Variants in TCN2 observed in about 807,000 individuals in gnomAD.
TCN2 encodes the protein transcobalamin 2.
A neutral mutation model predicts 48.6 loss-of-function variants in TCN2; 34 were observed. The ratio of observed to expected loss-of-function variants is 0.70; its 90% CI spans 0.53 to 0.93. The LOEUF is 0.93. TCN2 is among the 40% of genes least tolerant of loss of function. The probability of loss-of-function intolerance (pLI) is 0.00; values close to 1 mark genes in which losing one functional copy is unlikely to be tolerated. For missense variants in TCN2, 652 were observed against 526.1 expected (o/e 1.24, Z -2.34); for synonymous variants, 283 against 212.5 (o/e 1.33, Z -2.89).
chr22:30,615,219 C>A, intron 4 of TCN2, 82 bp from the exon 5 acceptor site: 1 of 1,491,888 alleles, frequency 6.7e-7, no homozygotes, highest in Non-Finnish European at 9.3e-7. Context: ...TCCATAGCTA[C>A]AAGGGCCTGA....
chr22:30,626,676 G>A lies in TCN2; in HGVS notation c.*155G>A, dbSNP rs867646396. The A allele has an allele frequency of 6.1e-5, 50 of 815,922 alleles. 1 individual carries two copies. In the Middle Eastern group the frequency reaches 1.7e-3, roughly 28 times the overall value. The allele number at this position is 815,922 out of a possible 1,614,324, so 50.5% of individuals were successfully genotyped here. A position where few individuals can be genotyped will look rare whatever the true frequency, so the allele number is the denominator to read the frequency against. On this transcript the variant is annotated 3_prime_UTR_variant, in exon 9 of 9. Coordinates refer to ENST00000215838, the MANE Select transcript of TCN2 (RefSeq NM_000355.4). ...GGATCACCCCAGCCACAAGCCCTTC[G>A]AGGGCCCTATACCATGGCCCACCTT...
intron 5 of TCN2, 55 bp downstream of exon 5, chr22:30,615,528 T>TG: frequency 6.2e-7 from 1 of 1,613,516 alleles, no homozygotes; most frequent in Non-Finnish European, 8.5e-7. Context: ...AGGGGTGGAG[T>TG]GGTCAGGTGC....
chr22:30,625,702 G>T lies in TCN2; in HGVS notation c.1223-758G>T, dbSNP rs140407673. 6.2e-3 allele frequency among the ~76,000 whole-genome samples: 947 copies of T among 152,192 alleles called. 6 individuals are homozygous for T. Among genetic ancestry groups the T allele is most frequent in the Non-Finnish European group, 9.0e-3 (612 of 68,000 alleles). ...TGGTCTCGAACTTCTGAACTCAAGT[G>T]ATCTGCCTGCCTTGGCCTCCCAAAG... On this transcript the variant is annotated intron_variant, in intron 8 of 8. Coordinates refer to ENST00000215838, the MANE Select transcript of TCN2 (RefSeq NM_000355.4).
At chr22:30,621,991 T>G (rs1471547118) in intron 7 of TCN2, among the ~76,000 whole-genome samples, 1 of 150,512 alleles carries the variant, frequency 6.6e-6, no homozygotes, top group Admixed American at 6.6e-5. Context: ...ACGGAGTTTG[T>G]TTTGTTTTGT....
intron 7 of TCN2, among the ~76,000 whole-genome samples, chr22:30,620,711 C>T (rs990314723): frequency 6.6e-6 from 1 of 152,172 alleles, no homozygotes; most frequent in Non-Finnish European, 1.5e-5. Flanking sequence ...ATTCAGAGCT[C>T]GGGGATCTCT....
At chr22:30,612,656 C>G (rs2087559120) in intron 2 of TCN2, among the ~76,000 whole-genome samples, 1 of 152,162 alleles carries the variant, frequency 6.6e-6, no homozygotes, top group South Asian at 2.1e-4. Flanking sequence ...CACAGGAGCC[C>G]TTGGAGTTTA....
chr22:30,609,414 C>G lies in TCN2; in HGVS notation c.65-1457C>G, dbSNP rs575909541. Among the ~76,000 whole-genome samples the G allele has an allele frequency of 1.2e-3, 179 of 152,272 alleles. 1 individual carries two copies. The highest frequency in any genetic ancestry group is 4.0e-3 in the African/African-American group (167 of 41,550). The stretch of plus-strand genomic sequence containing the variant: ...TTACCCTGCGTGAATCTGCCTGGCC[C>G]CTTCCTTCTAAGGAGGTTGCTCTGT... On this transcript the variant is annotated intron_variant, in intron 1 of 8. Coordinates refer to ENST00000215838, the MANE Select transcript of TCN2 (RefSeq NM_000355.4).
At chr22:30,609,147 C>T (rs916890696) in intron 1 of TCN2, among the ~76,000 whole-genome samples, 1 of 151,542 alleles carries the variant, frequency 6.6e-6, no homozygotes, top group Non-Finnish European at 1.5e-5. Context: ...GCTTCCTTTT[C>T]TCTTTCTTCT....
At chr22:30,617,804 G>C in intron 7 of TCN2, 1 of 435,690 alleles carries the variant, frequency 2.3e-6, no homozygotes, top group Non-Finnish European at 4.3e-6. Context: ...CTTCCCTGCA[G>C]GGCCAGTGTG....
At chr22:30,625,146 A>AG (rs2087786300) in intron 8 of TCN2, among the ~76,000 whole-genome samples, 1 of 152,200 alleles carries the variant, frequency 6.6e-6, no homozygotes, top group Non-Finnish European at 1.5e-5. Flanking sequence ...TGAACCCAGG[A>AG]GGCGGAGGTT....
At chr22:30,611,696 T>C (rs913405041) in intron 2 of TCN2, among the ~76,000 whole-genome samples, 1 of 152,170 alleles carries the variant, frequency 6.6e-6, no homozygotes, top group African/African-American at 2.4e-5. Flanking sequence ...TTGGTAGAGA[T>C]AGGGTTTCAC....
rs191467378 is a variant in TCN2 at position 30,609,670 on chromosome 22, C to T, written c.65-1201C>T. On this transcript the variant is annotated intron_variant, in intron 1 of 8. Coordinates refer to ENST00000215838, the MANE Select transcript of TCN2 (RefSeq NM_000355.4). ...AGCCTCACACATTGAGTGACAGAGA[C>T]GGAGAAATGGAGATAGGCACCAAAA... 4.7e-4 allele frequency among the ~76,000 whole-genome samples: 71 copies of T among 152,036 alleles called. No homozygotes were observed. The South Asian group carries it at 6.8e-3, about 15-fold the overall frequency.
chr22:30,618,113 AT>A (rs60134354), intron 7 of TCN2, among the ~76,000 whole-genome samples: 73,580 of 124,274 alleles, frequency 0.59, 21,515 homozygotes, highest in African/African-American at 0.74. Context: ...ACCCTGGGTA[AT>A]TTTTTTTTTT....
chr22:30,623,068 A>G lies in TCN2; in HGVS notation c.1207A>G (p.Thr403Ala). 1 of 1,613,108 alleles carries G rather than the reference A, an allele frequency of 6.2e-7. No homozygotes were observed. The highest frequency in any genetic ancestry group is 8.5e-7 in the Non-Finnish European group (1 of 1,179,788). ...CTGGCAGCTTCTCCGAGACCCCAAC[A>G]CCCCACTGTTGCAAGGTGAGTCATG... ...EFWQLLRDPN[T>A]PLLQGIADYR... The change falls in exon 8 of 9, where the codon ACC becomes GCC. Residue 403 changes from threonine to alanine, a missense_variant. Transcript: ENST00000215838.
intron 8 of TCN2, among the ~76,000 whole-genome samples, chr22:30,624,049 C>CATATATATGTATACATATAT (rs1569047243): frequency 1.2e-4 from 4 of 34,356 alleles, no homozygotes; most frequent in South Asian, 5.4e-4. Flanking sequence ...TATATACACA[C>CATATATATGTATACATATAT]ACACACACAC....
At chr22:30,620,818 CCCTGAATGCA>C (rs2087686251) in intron 7 of TCN2, among the ~76,000 whole-genome samples, 1 of 151,984 alleles carries the variant, frequency 6.6e-6, no homozygotes, top group Non-Finnish European at 1.5e-5. Context: ...TGTTTGAGGC[CCCTGAATGCA>C]CAGCAGAGAA....
At position 30,607,263 on chromosome 22, in the gene TCN2, A is replaced by G; in HGVS notation, c.-69A>G. 1 of 1,550,750 alleles carries G rather than the reference A, an allele frequency of 6.4e-7. No homozygotes were observed. The highest frequency in any genetic ancestry group is 1.7e-5 in the Admixed American group (1 of 59,884). On this transcript the variant is annotated 5_prime_UTR_variant, in exon 1 of 9. Coordinates refer to ENST00000215838, the MANE Select transcript of TCN2 (RefSeq NM_000355.4). Reference sequence around the variant, plus strand: ...AGCGGTGACCAGCTGTGGTCAGGAGAGCCTCAGCAGGGCCAGCCCCAGGAG... The same window carrying G: ...AGCGGTGACCAGCTGTGGTCAGGAGGGCCTCAGCAGGGCCAGCCCCAGGAG...
intron 1 of TCN2, among the ~76,000 whole-genome samples, chr22:30,609,512 G>A (rs1451891635): frequency 6.6e-6 from 1 of 152,036 alleles, no homozygotes; most frequent in East Asian, 1.9e-4. Flanking sequence ...TCATCGTGCT[G>A]GAAGTGAGAG....
chr22:30,616,290 C>A (rs1347815497), intron 6 of TCN2, among the ~76,000 whole-genome samples: 1 of 151,990 alleles, frequency 6.6e-6, no homozygotes, highest in Non-Finnish European at 1.5e-5. Flanking sequence ...TCGAGACCAG[C>A]CTGGCTAACA....
Sources: allele counts gnomAD v4.1 joint callset (sites outside exome capture counted in the v4.1 genomes callset), GRCh38; gene constraint gnomAD v4.1.1; transcripts MANE v1.5; gene names NCBI Gene and HGNC (gene_info 2026-07-23, HGNC 2026-07-21).